Variants in SH3GL2 observed in about 807,000 individuals in gnomAD.
SH3GL2 encodes the protein SH3 domain containing GRB2 like 2, endophilin A1.
SH3GL2 carries 24 observed loss-of-function variants against 46.0 expected under a neutral mutation model. The observed-to-expected ratio is 0.52, with a 90% CI of 0.38 to 0.73. SH3GL2 has a LOEUF of 0.73. SH3GL2 is among the 30% of genes least tolerant of loss of function. SH3GL2 has a pLI of 0.00. For missense variants in SH3GL2, 413 were observed against 424.2 expected (o/e 0.97, Z 0.23); for synonymous variants, 196 against 147.1 (o/e 1.33, Z -2.40).
chr9:17,701,918 A>G (rs1167025537), intron 1 of SH3GL2, among the ~76,000 whole-genome samples: 1 of 152,120 alleles, frequency 6.6e-6, no homozygotes, highest in Non-Finnish European at 1.5e-5. Flanking sequence ...TACTTATACA[A>G]AAGATAATAT....
chr9:17,595,734 A>G (rs949713167), intron 1 of SH3GL2, among the ~76,000 whole-genome samples: 1 of 152,192 alleles, frequency 6.6e-6, no homozygotes, highest in Non-Finnish European at 1.5e-5. Flanking sequence ...CAGTAGGGAA[A>G]CATTCATGAT....
Position 17,793,443 on chromosome 9 carries a change from G to C in SH3GL2, c.805G>C (p.Asp269His). The change falls in exon 8 of 9, where the codon GAC becomes CAC. Residue 269 changes from aspartate (D) to histidine (H), a missense_variant. By Grantham distance (81) the Asp-to-His change is moderately conservative. Transcript: ENST00000380607. ...PRMSLEFPTG[D>H]STQPNGGLSH... ...AATGAGCCTGGAGTTTCCAACTGGA[G>C]ACAGTACTCAGCCCAATGGGGGTCT... The C allele has an allele frequency of 6.2e-7, 1 of 1,611,900 alleles. No homozygotes were observed. The highest frequency in any genetic ancestry group is 8.5e-7 in the Non-Finnish European group (1 of 1,179,426).
At chr9:17,771,330 A>G (rs931781405) in intron 3 of SH3GL2, among the ~76,000 whole-genome samples, 2 of 152,188 alleles carry the variant, frequency 1.3e-5, no homozygotes, top group Admixed American at 1.3e-4. Flanking sequence ...ATGATAGCAA[A>G]GAACACTTGG....
chr9:17,698,751 A>T (rs941152738), intron 1 of SH3GL2, among the ~76,000 whole-genome samples: 1 of 152,218 alleles, frequency 6.6e-6, no homozygotes, highest in African/African-American at 2.4e-5. Flanking sequence ...CTGTTCTGTG[A>T]AGGTCACAAG....
chr9:17,783,093 T>A (rs1329307222), intron 3 of SH3GL2, among the ~76,000 whole-genome samples: 1 of 152,120 alleles, frequency 6.6e-6, no homozygotes, highest in Non-Finnish European at 1.5e-5. Context: ...TTCCCCAGTA[T>A]CCAGTGCCTG....
chr9:17,650,809 G>T (rs980384519), intron 1 of SH3GL2, among the ~76,000 whole-genome samples: 1 of 152,106 alleles, frequency 6.6e-6, no homozygotes, highest in Non-Finnish European at 1.5e-5. Flanking sequence ...TCTTTTTAGG[G>T]CATCTTGAGA....
intron 1 of SH3GL2, among the ~76,000 whole-genome samples, chr9:17,697,336 G>A (rs1031471514): frequency 2.0e-5 from 3 of 151,646 alleles, no homozygotes; most frequent in Non-Finnish European, 4.4e-5. Context: ...GGATTCTTCT[G>A]CCTCAGCCAC....
chr9:17,770,449 G>A (rs1002031007), intron 3 of SH3GL2, among the ~76,000 whole-genome samples: 3 of 152,090 alleles, frequency 2.0e-5, no homozygotes, highest in Non-Finnish European at 2.9e-5. Context: ...TGGTAAGTGT[G>A]GCAAGTGTAC....
chr9:17,690,943 C>A (rs1476491867), intron 1 of SH3GL2, among the ~76,000 whole-genome samples: 1 of 152,130 alleles, frequency 6.6e-6, no homozygotes, highest in Non-Finnish European at 1.5e-5. Context: ...AGTAAACAGA[C>A]TTCTGCAACC....
At chr9:17,597,476 C>T (rs1471028232) in intron 1 of SH3GL2, among the ~76,000 whole-genome samples, 1 of 151,596 alleles carries the variant, frequency 6.6e-6, no homozygotes. Context: ...AAGATCATGC[C>T]ACTGCACTCC....
chr9:17,751,562 G>A lies in SH3GL2; in HGVS notation c.114+4428G>A, dbSNP rs139174946. On this transcript the variant is annotated intron_variant, in intron 2 of 8. Coordinates refer to ENST00000380607, the MANE Select transcript of SH3GL2 (RefSeq NM_003026.5). ...ATCACTGCCCATGTTTGACCCCCTT[G>A]TTCCCACCGCCCATGTTGGAACACA... 7.6e-3 allele frequency among the ~76,000 whole-genome samples: 1,145 copies of A among 151,110 alleles called. 6 individuals are homozygous for A. The highest frequency in any genetic ancestry group is 9.3e-3 in the Non-Finnish European group (629 of 67,930).
intron 2 of SH3GL2, among the ~76,000 whole-genome samples, chr9:17,751,470 TTG>T (rs1554646584): frequency 7.5e-6 from 1 of 133,032 alleles, no homozygotes; most frequent in South Asian, 2.3e-4. Flanking sequence ...GTGTGTGTTT[TTG>T]TGTGTGCGTG....
Position 17,581,159 on chromosome 9 carries a change from A to C in SH3GL2, c.45+1872A>C, listed in dbSNP as rs1057105772. Among the ~76,000 whole-genome samples, 8 of 152,256 alleles carry C rather than the reference A, an allele frequency of 5.3e-5. No homozygotes were observed. In the East Asian group the frequency reaches 5.8e-4, roughly 11 times the overall value. On this transcript the variant is annotated intron_variant, in intron 1 of 8. Coordinates refer to ENST00000380607, the MANE Select transcript of SH3GL2 (RefSeq NM_003026.5). Reference sequence around the variant, plus strand: ...AATACTATCCCTTATGCTGTGAAGAAGTTACCCAAGCTAGACCTTTTAGTT... The same window carrying C: ...AATACTATCCCTTATGCTGTGAAGACGTTACCCAAGCTAGACCTTTTAGTT...
intron 1 of SH3GL2, among the ~76,000 whole-genome samples, chr9:17,601,028 G>A (rs1234735187): frequency 1.3e-5 from 2 of 152,158 alleles, no homozygotes; most frequent in Non-Finnish European, 2.9e-5. Flanking sequence ...CCCTTGGTCA[G>A]TGTGTCCCTC....
At chr9:17,755,687 T>C in intron 2 of SH3GL2, 1 of 649,988 alleles carries the variant, frequency 1.5e-6, no homozygotes, top group Non-Finnish European at 1.9e-6. Flanking sequence ...AAACTTTTGC[T>C]CTGCTACAGC....
At chr9:17,612,505 C>G (rs1345082151) in intron 1 of SH3GL2, among the ~76,000 whole-genome samples, 1 of 152,074 alleles carries the variant, frequency 6.6e-6, no homozygotes, top group Non-Finnish European at 1.5e-5. Flanking sequence ...AAATGCAGCT[C>G]TATTGAAATA....
intron 1 of SH3GL2, among the ~76,000 whole-genome samples, chr9:17,698,184 C>T (rs1028635224): frequency 3.3e-5 from 5 of 152,166 alleles, no homozygotes; most frequent in African/African-American, 9.7e-5. Flanking sequence ...GGCTTCAAGT[C>T]CAGATGCAGG....
intron 1 of SH3GL2, among the ~76,000 whole-genome samples, chr9:17,625,789 G>T (rs1313543138): frequency 1.3e-5 from 2 of 152,154 alleles, no homozygotes; most frequent in Non-Finnish European, 2.9e-5. Flanking sequence ...TTCTTAATCA[G>T]TTTCCTGTCT....
rs1358219083 is a variant in SH3GL2 at position 17,796,776 on chromosome 9, G to A, written c.*1033G>A. On this transcript the variant is annotated 3_prime_UTR_variant, in exon 9 of 9. Coordinates refer to ENST00000380607, the MANE Select transcript of SH3GL2 (RefSeq NM_003026.5). ...TGAGGACCAAATAAAGATGATTTTT[G>A]TGCTTAGCAGTTTAAGGTATATGGC... The A allele has an allele frequency of 6.6e-6, 1 of 152,552 alleles. No homozygotes were observed. The highest frequency in any genetic ancestry group is 1.5e-5 in the Non-Finnish European group (1 of 68,022). The allele number at this position is 152,552 out of a possible 1,614,324, so 9.4% of individuals were successfully genotyped here.
Sources: allele counts gnomAD v4.1 joint callset (sites outside exome capture counted in the v4.1 genomes callset), GRCh38; gene constraint gnomAD v4.1.1; transcripts MANE v1.5; gene names NCBI Gene and HGNC (gene_info 2026-07-23, HGNC 2026-07-21).